The following FLT4 variants were observed in gnomAD, a reference collection of about 807,000 sequenced individuals.
FLT4 encodes the protein vascular endothelial growth factor receptor 3.
In FLT4, 30 loss-of-function variants were observed where a neutral mutation model predicts 163.2. The ratio of observed to expected loss-of-function variants is 0.18; its 90% CI spans 0.14 to 0.25. The LOEUF (loss-of-function observed/expected upper bound fraction) is 0.25. Among genes scored for constraint, FLT4 ranks in the 10% least tolerant of loss-of-function variants. FLT4 has a pLI of 1.00. For missense variants in FLT4, 1,510 were observed against 1,863.8 expected, an observed-to-expected ratio of 0.81 and a Z score of 3.50; for synonymous variants, 884 against 789.5, an observed-to-expected ratio of 1.12 and a Z score of -2.01.
In FLT4 at chr5:180,603,163, C is replaced by T. The variant is rs370516958; in HGVS notation, c.*29G>A. The T allele has an allele frequency of 6.2e-7, 1 of 1,612,042 alleles. No individual in the cohort carries two copies. Among genetic ancestry groups the T allele is most frequent in the Admixed American group, 1.7e-5 (1 of 60,012 alleles). On this transcript the variant is annotated 3_prime_UTR_variant, in exon 30 of 30. Transcript: ENST00000261937. ...GCCCGCCCTGCCGGGCCTGAACCCC[C>T]AAGTGCTGGGGGTCTTGTCCGATGC...
intron 26 of FLT4, chr5:180,612,256 G>A (rs757500884): frequency 8.9e-5 from 51 of 575,222 alleles, no homozygotes; most frequent in Non-Finnish European, 1.5e-4. Flanking sequence ...GATTCCCCTC[G>A]CGCAGGGACA....
At chr5:180,632,190 G>T (rs563290310) in intron 1 of FLT4, among the ~76,000 whole-genome samples, 1 of 149,212 alleles carries the variant, frequency 6.7e-6, no homozygotes, top group Non-Finnish European at 1.5e-5. Context: ...CCCTACACCC[G>T]CTGCTTCCCA....
Position 180,621,846 on chromosome 5 carries a change from C to G in FLT4, c.1716G>C (p.Gln572His). 6.2e-7 allele frequency: 1 copy of G among 1,613,392 alleles called. No homozygotes were observed. The highest frequency in any genetic ancestry group is 2.2e-5 in the East Asian group (1 of 44,872). The stretch of plus-strand genomic sequence containing the variant: ...CGGCTTGGCAGCTCAGGAGCACCGG[C>G]TGGCCCTCTAGTAGCTCCTCGGATG... ...SKPSEELLEG[Q>H]PVLLSCQADS... The change falls in exon 13 of 30, where the codon CAG (glutamine) becomes CAC (histidine). Residue 572 changes from glutamine to histidine, a missense_variant. Gln to His is a conservative substitution (Grantham distance 24). Around this residue, in one of 5 missense-constraint regions of FLT4, gnomAD observed 878 missense variants for 1,016.7 expected, o/e 0.86. Coordinates refer to ENST00000261937, the MANE Select transcript of FLT4 (RefSeq NM_182925.5).
intron 1 of FLT4, among the ~76,000 whole-genome samples, chr5:180,646,430 G>T (rs1009974101): frequency 6.6e-6 from 1 of 152,024 alleles, no homozygotes; most frequent in Non-Finnish European, 1.5e-5. Flanking sequence ...CAGCCTCACC[G>T]GACCACCCAC....
intron 1 of FLT4, among the ~76,000 whole-genome samples, chr5:180,647,963 G>T (rs1435634613): frequency 2.0e-5 from 3 of 152,116 alleles, no homozygotes; most frequent in South Asian, 4.1e-4. Context: ...CTGGATCCCT[G>T]GAAGCCCCCT....
intron 13 of FLT4, 21 bp downstream of exon 13, chr5:180,621,521 C>T: frequency 6.2e-7 from 1 of 1,610,272 alleles, no homozygotes; most frequent in Admixed American, 1.7e-5. Context: ...GCGTCCCCGC[C>T]CTCCCCGCGG....
At chr5:180,608,778 C>G (rs996716943) in intron 29 of FLT4, among the ~76,000 whole-genome samples, 190 bp downstream of exon 29, 1 of 152,166 alleles carries the variant, frequency 6.6e-6, no homozygotes, top group Non-Finnish European at 1.5e-5. Flanking sequence ...CAGCATGTGA[C>G]AGGGAGGGGC....
intron 1 of FLT4, among the ~76,000 whole-genome samples, chr5:180,644,269 C>T (rs910983295): frequency 2.0e-5 from 3 of 152,158 alleles, no homozygotes; most frequent in Non-Finnish European, 4.4e-5. Context: ...CAGGTGTAGG[C>T]GTGAGCGGAA....
At chr5:180,632,019 C>T (rs1400996637) in intron 1 of FLT4, among the ~76,000 whole-genome samples, 1 of 152,194 alleles carries the variant, frequency 6.6e-6, no homozygotes, top group Non-Finnish European at 1.5e-5. Context: ...CCACAGCCCC[C>T]ATCCTCAGCT....
intron 5 of FLT4, 38 bp from the exon 6 acceptor site, chr5:180,629,873 G>C (rs758467020): frequency 3.7e-6 from 6 of 1,612,612 alleles, no homozygotes; most frequent in Non-Finnish European, 4.2e-6. Flanking sequence ...CGCCCTCACA[G>C]GACGACACCC....
At position 180,648,587 on chromosome 5, in the gene FLT4, C is replaced by G. The variant is rs551967808; in HGVS notation, c.58+901G>C. Among the ~76,000 whole-genome samples the G allele has an allele frequency of 2.6e-5, 4 of 152,298 alleles. No homozygotes were observed. In the South Asian group the frequency reaches 8.3e-4, roughly 32 times the overall value. ...CCTTTGATTTCCAGGGACACCAGCT[C>G]CGTGGGGACTCCCAGCTCATCTTCT... On this transcript the variant is annotated intron_variant, in intron 1 of 29. Transcript: ENST00000261937.
In FLT4 at chr5:180,623,790, G is replaced by A. The variant is rs1196510767; in HGVS notation, c.1548+145C>T. 1 of 992,670 alleles carries A rather than the reference G, an allele frequency of 1.0e-6. No homozygotes were observed. The highest frequency in any genetic ancestry group is 1.3e-5 in the South Asian group (1 of 75,894). 61.5% of individuals were successfully genotyped at this position (992,670 alleles called of 1,614,324 possible). ...ACCTTTCTGCAGGCAGGGTGGCCGA[G>A]GCCTACAGACTGCAGGAAGGTCACC... is the stretch of plus-strand genomic sequence containing the variant. On this transcript the variant is annotated intron_variant, in intron 11 of 29. Transcript: ENST00000261937. The surrounding 1 kb of genome is among the most constrained non-coding windows in gnomAD (Gnocchi z 5.8).
chr5:180,638,030 C>A (rs1764815918), intron 1 of FLT4, among the ~76,000 whole-genome samples: 2 of 152,150 alleles, frequency 1.3e-5, no homozygotes, highest in Admixed American at 1.3e-4. Flanking sequence ...AGGCTGCAGA[C>A]CTAGTGGGCA....
At chr5:180,608,421 T>C (rs1340116381) in intron 29 of FLT4, 9 of 689,260 alleles carry the variant, frequency 1.3e-5, no homozygotes, top group Non-Finnish European at 2.1e-5. Flanking sequence ...TCGGGGCCAC[T>C]ACCGGTCTCC....
At chr5:180,648,415 C>T (rs1370709109) in intron 1 of FLT4, among the ~76,000 whole-genome samples, 1 of 152,162 alleles carries the variant, frequency 6.6e-6, no homozygotes, top group Non-Finnish European at 1.5e-5. Context: ...CTAAGCTTCT[C>T]CATGTGTAAA....
chr5:180,612,825 G>A (rs1158652304), intron 25 of FLT4, among the ~76,000 whole-genome samples, 186 bp downstream of exon 25: 2 of 152,100 alleles, frequency 1.3e-5, no homozygotes, highest in African/African-American at 2.4e-5. Flanking sequence ...TTCCGACAGC[G>A]CCCGGCCTTC....
At chr5:180,631,358 A>T (rs1242576818) in intron 2 of FLT4, among the ~76,000 whole-genome samples, 1 of 152,126 alleles carries the variant, frequency 6.6e-6, no homozygotes, top group African/African-American at 2.4e-5. Context: ...CTGTAGTCCC[A>T]GCTACTTGGG....
intron 1 of FLT4, among the ~76,000 whole-genome samples, chr5:180,633,327 C>A (rs1298749216): frequency 6.6e-6 from 1 of 152,214 alleles, no homozygotes; most frequent in Non-Finnish European, 1.5e-5. Flanking sequence ...ACTGTACAGA[C>A]TGGGACACTG....
Position 180,620,912 on chromosome 5 carries a change from C to G in FLT4, c.2263G>C (p.Gly755Arg). ...RYLCSVCNAK[G>R]CVNSSASVAV... Reference sequence around the variant, plus strand: ...ACGCTGGCGGAGGAGTTGACGCAGCCCTTGGCGTTGCACACGCTGCACAGA... The same window carrying G: ...ACGCTGGCGGAGGAGTTGACGCAGCGCTTGGCGTTGCACACGCTGCACAGA... The change falls in exon 15 of 30, where the codon GGC becomes CGC. Residue 755 changes from glycine (G) to arginine (R), a missense_variant. Gly to Arg is a moderately radical substitution (Grantham distance 125). Around this residue, in one of 5 missense-constraint regions of FLT4, gnomAD observed 878 missense variants for 1,016.7 expected, o/e 0.86. Transcript: ENST00000261937. The surrounding 1 kb of genome is among the most constrained non-coding windows in gnomAD (Gnocchi z 4.4). 6.2e-7 allele frequency: 1 copy of G among 1,610,248 alleles called. No homozygotes were observed. Among genetic ancestry groups the G allele is most frequent in the Non-Finnish European group, 8.5e-7 (1 of 1,178,752 alleles).
Sources: allele counts gnomAD v4.1 joint callset (sites outside exome capture counted in the v4.1 genomes callset), GRCh38; gene constraint gnomAD v4.1.1; regional missense constraint gnomAD v4.1.1; non-coding constraint Gnocchi (gnomAD v3.1); transcripts MANE v1.5; gene names NCBI Gene and HGNC (gene_info 2026-07-23, HGNC 2026-07-21).